The following SLIT3 variants were observed in gnomAD, a reference collection of about 807,000 sequenced individuals.
SLIT3 encodes the protein slit guidance ligand 3.
Under a neutral mutation model 184.0 loss-of-function variants are expected in SLIT3, and 68 were observed. That is an observed-to-expected ratio of 0.37 (90% CI 0.30 to 0.45). The LOEUF (loss-of-function observed/expected upper bound fraction) is 0.45. Ranked by LOEUF, SLIT3 falls within the 20% of genes least tolerant of loss-of-function variation. The pLI, the probability that SLIT3 is intolerant of heterozygous loss-of-function variation, is 1.00. For missense variants in SLIT3, 1,707 were observed against 2,026.0 expected (o/e 0.84, Z 3.02); for synonymous variants, 831 against 828.6 (o/e 1.00, Z -0.05).
At chr5:168,687,497 C>T (rs1317663209) in intron 29 of SLIT3, among the ~76,000 whole-genome samples, 4 of 152,170 alleles carry the variant, frequency 2.6e-5, no homozygotes, top group Admixed American at 6.5e-5. Context: ...GGAGGGTCTA[C>T]CATACTCCAT....
chr5:169,244,048 T>A (rs1018453749), intron 3 of SLIT3, among the ~76,000 whole-genome samples: 3 of 152,204 alleles, frequency 2.0e-5, no homozygotes, highest in African/African-American at 7.2e-5. Flanking sequence ...AAAGTATTCA[T>A]CAACAAAACA....
chr5:168,922,061 G>A (rs1053302516), intron 4 of SLIT3, among the ~76,000 whole-genome samples: 8 of 152,154 alleles, frequency 5.3e-5, no homozygotes, highest in African/African-American at 1.4e-4. Flanking sequence ...TTACAGATGA[G>A]CAAACTGAGG....
chr5:168,876,877 T>C (rs893041849), intron 5 of SLIT3, among the ~76,000 whole-genome samples: 5 of 152,222 alleles, frequency 3.3e-5, no homozygotes, highest in Non-Finnish European at 7.3e-5. Context: ...ACAATAATAA[T>C]ACAATATGGT....
Position 168,924,508 on chromosome 5 carries a change from ATGTG to A in SLIT3, c.414-41176_414-41173del, listed in dbSNP as rs35121067. The stretch of plus-strand genomic sequence containing the variant: ...GGTGTGTAAGGGTGTGTGTGTGTGT[ATGTG>A]TGTGTGTGTGTGTGTGTAGCTCACT... On this transcript the variant is annotated intron_variant, in intron 4 of 35. Coordinates refer to ENST00000519560, the MANE Select transcript of SLIT3 (RefSeq NM_003062.4). 9.1e-4 allele frequency among the ~76,000 whole-genome samples: 129 copies of A among 141,878 alleles called. 1 individual carries two copies. The highest frequency in any genetic ancestry group is 2.6e-3 in the African/African-American group (95 of 37,100). The allele number at this position is 141,878 out of a possible 152,430, so 93.1% of individuals were successfully genotyped here.
intron 1 of SLIT3, among the ~76,000 whole-genome samples, chr5:169,291,109 T>A (rs1300039794): frequency 6.6e-6 from 1 of 151,906 alleles, no homozygotes; most frequent in African/African-American, 2.4e-5. Flanking sequence ...ACACAAGCAG[T>A]GATATGGCCG....
At chr5:169,160,319 T>A (rs956457746) in intron 4 of SLIT3, among the ~76,000 whole-genome samples, 2 of 152,222 alleles carry the variant, frequency 1.3e-5, no homozygotes, top group Admixed American at 1.3e-4. Context: ...AGGGCACACA[T>A]CTCACCTGCC....
intron 4 of SLIT3, among the ~76,000 whole-genome samples, chr5:169,101,257 C>T (rs1281976144): frequency 6.6e-6 from 1 of 152,188 alleles, no homozygotes; most frequent in African/African-American, 2.4e-5. Context: ...AGCCCACAAA[C>T]ATCCCACCCA....
intron 4 of SLIT3, among the ~76,000 whole-genome samples, chr5:168,907,971 T>G (rs191899376): frequency 0.13 from 8,726 of 69,692 alleles, 474 homozygotes; most frequent in African/African-American, 0.14. Flanking sequence ...TATATATATA[T>G]ATATATATAG....
At chr5:169,205,208 C>T (rs79688905) in intron 3 of SLIT3, among the ~76,000 whole-genome samples, 2,628 of 152,180 alleles carry the variant, frequency 0.017, 38 homozygotes, top group Non-Finnish European at 0.025. Context: ...CAGGGCATGG[C>T]GCTGGGGCTT....
intron 9 of SLIT3, among the ~76,000 whole-genome samples, chr5:168,805,840 CCTGCCCATGTGCTGAGGA>C (rs1390411306): frequency 6.6e-6 from 1 of 152,176 alleles, no homozygotes; most frequent in Non-Finnish European, 1.5e-5. Flanking sequence ...TTACAGAGTA[CCTGCCCATGTGCTGAGGA>C]CTGTATGAAG....
intron 26 of SLIT3, among the ~76,000 whole-genome samples, chr5:168,706,084 A>G (rs1167707534): frequency 1.3e-5 from 2 of 152,216 alleles, no homozygotes; most frequent in African/African-American, 2.4e-5. Context: ...TCACAGTGCC[A>G]TAGACTGATA....
At chr5:168,983,285 C>A (rs1330502375) in intron 4 of SLIT3, among the ~76,000 whole-genome samples, 1 of 152,238 alleles carries the variant, frequency 6.6e-6, no homozygotes, top group Admixed American at 6.5e-5. Flanking sequence ...CTTTATCCCC[C>A]AGGTAAACTC....
intron 4 of SLIT3, among the ~76,000 whole-genome samples, chr5:168,912,839 T>G (rs1340822666): frequency 6.6e-6 from 1 of 152,120 alleles, no homozygotes; most frequent in African/African-American, 2.4e-5. Flanking sequence ...ACTTTGTCCT[T>G]CTCTCTCCCA....
chr5:168,937,634 A>G (rs1409422631), intron 4 of SLIT3, among the ~76,000 whole-genome samples: 5 of 152,058 alleles, frequency 3.3e-5, no homozygotes, highest in Admixed American at 6.6e-5. Context: ...GTGAACCTGG[A>G]AGCAACTAGG....
At chr5:169,198,166 G>A (rs887575840) in intron 3 of SLIT3, among the ~76,000 whole-genome samples, 1 of 152,156 alleles carries the variant, frequency 6.6e-6, no homozygotes, top group Admixed American at 6.5e-5. Context: ...AAATGAATAA[G>A]ATACAGCCCC....
At chr5:169,268,653 T>C (rs564095276) in intron 1 of SLIT3, among the ~76,000 whole-genome samples, 1 of 152,272 alleles carries the variant, frequency 6.6e-6, no homozygotes, top group African/African-American at 2.4e-5. Flanking sequence ...AGGCCTCCAG[T>C]CCCAGTTTCA....
At chr5:169,116,191 A>G (rs1157975961) in intron 4 of SLIT3, among the ~76,000 whole-genome samples, 1 of 152,102 alleles carries the variant, frequency 6.6e-6, no homozygotes, top group Non-Finnish European at 1.5e-5. Flanking sequence ...TGTATTTATT[A>G]TTGCAATAAT....
intron 9 of SLIT3, among the ~76,000 whole-genome samples, chr5:168,795,984 G>A (rs922549936): frequency 2.6e-5 from 4 of 152,232 alleles, no homozygotes; most frequent in African/African-American, 9.6e-5. Context: ...TATCTGTCAT[G>A]GAACCATGTC....
intron 9 of SLIT3, among the ~76,000 whole-genome samples, chr5:168,806,156 C>G (rs1444140048): frequency 6.6e-6 from 1 of 152,154 alleles, no homozygotes; most frequent in African/African-American, 2.4e-5. Context: ...CAGCCACAGG[C>G]AGGACACATA....
Sources: allele counts gnomAD v4.1 joint callset (sites outside exome capture counted in the v4.1 genomes callset), GRCh38; gene constraint gnomAD v4.1.1; transcripts MANE v1.5; gene names NCBI Gene and HGNC (gene_info 2026-07-23, HGNC 2026-07-21).